Variants in GRIN2A observed in about 807,000 individuals in gnomAD.
The protein encoded by GRIN2A is glutamate receptor ionotropic, NMDA 2A.
GRIN2A carries 22 observed loss-of-function variants against 113.4 expected under a neutral mutation model. That is an observed-to-expected ratio of 0.19 (90% CI 0.14 to 0.28). The LOEUF is 0.28. GRIN2A is among the 10% of genes least tolerant of loss of function. The probability of loss-of-function intolerance (pLI) is 1.00; values close to 1 mark genes in which losing one functional copy is unlikely to be tolerated. For synonymous variants in GRIN2A, 827 were observed against 738.4 expected (o/e 1.12, Z -1.94); for missense variants, 1,502 against 1,887.0 (o/e 0.80, Z 3.78).
At chr16:10,173,863 T>C (rs996945454) in intron 2 of GRIN2A, among the ~76,000 whole-genome samples, 2 of 152,128 alleles carry the variant, frequency 1.3e-5, no homozygotes, top group Admixed American at 6.5e-5. Flanking sequence ...GGTTGTGAAA[T>C]AAAACGGGGT....
chr16:9,900,686 A>G, intron 3 of GRIN2A, among the ~76,000 whole-genome samples: 1 of 152,140 alleles, frequency 6.6e-6, no homozygotes, highest in South Asian at 2.1e-4. Context: ...TGGTTCTTCG[A>G]ATCTCAGGCT....
At chr16:10,087,264 T>C (rs993760175) in intron 2 of GRIN2A, among the ~76,000 whole-genome samples, 4 of 152,238 alleles carry the variant, frequency 2.6e-5, no homozygotes, top group Non-Finnish European at 4.4e-5. Context: ...ATGTAATAGA[T>C]TATGTTATTG....
chr16:9,990,619 T>A (rs2046092916), intron 2 of GRIN2A, among the ~76,000 whole-genome samples: 1 of 150,416 alleles, frequency 6.6e-6, no homozygotes, highest in Non-Finnish European at 1.5e-5. Context: ...AAATGAATGC[T>A]GCCTCTAGAT....
At chr16:9,999,270 G>A (rs191595326) in intron 2 of GRIN2A, among the ~76,000 whole-genome samples, 274 of 152,268 alleles carry the variant, frequency 1.8e-3, no homozygotes, top group Non-Finnish European at 3.1e-3. Context: ...AACTCAAGAA[G>A]TGACCTTGGC....
chr16:9,968,561 C>T (rs1374885272), intron 2 of GRIN2A, among the ~76,000 whole-genome samples: 3 of 152,104 alleles, frequency 2.0e-5, no homozygotes, highest in African/African-American at 7.2e-5. Context: ...GATCCACCCA[C>T]CTCGGCCTCC....
At chr16:10,133,541 AG>A (rs1567323106) in intron 2 of GRIN2A, among the ~76,000 whole-genome samples, 1 of 152,176 alleles carries the variant, frequency 6.6e-6, no homozygotes, top group Non-Finnish European at 1.5e-5. Flanking sequence ...CGGGAGGTGG[AG>A]GTTGCAGTGA....
At position 9,757,505 on chromosome 16, in the gene GRIN2A, C is replaced by A. The variant is rs1030890449; in HGVS notation, c.*5644G>T. 7 of 228,532 alleles carry A rather than the reference C, an allele frequency of 3.1e-5. No individual in the cohort carries two copies. In the East Asian group the frequency reaches 3.1e-4, roughly 10 times the overall value. The allele number at this position is 228,532 out of a possible 1,614,324, so 14.2% of individuals were successfully genotyped here. A position where few individuals can be genotyped will look rare whatever the true frequency, so the allele number is the denominator to read the frequency against. On this transcript the variant is annotated 3_prime_UTR_variant, in exon 13 of 13. Coordinates refer to ENST00000330684, the MANE Select transcript of GRIN2A (RefSeq NM_001134407.3). ...CTTGGTTATCCTTTGTATTAGAGAA[C>A]TGAACTTCTAAACCATAAGCTACTT...
chr16:9,827,354 G>C (rs1430486171), intron 9 of GRIN2A, among the ~76,000 whole-genome samples: 1 of 152,204 alleles, frequency 6.6e-6, no homozygotes, highest in South Asian at 2.1e-4. Context: ...GAAGGATTTG[G>C]GGGTGAGCAT....
At chr16:9,979,962 A>G (rs1392961825) in intron 2 of GRIN2A, among the ~76,000 whole-genome samples, 8 of 151,628 alleles carry the variant, frequency 5.3e-5, no homozygotes, top group Non-Finnish European at 1.2e-4. Flanking sequence ...AAATTCCCCT[A>G]TATAACTAGG....
intron 4 of GRIN2A, among the ~76,000 whole-genome samples, chr16:9,873,467 G>A (rs1228081696): frequency 6.6e-6 from 1 of 152,136 alleles, no homozygotes; most frequent in African/African-American, 2.4e-5. Context: ...TTGGGAGGCT[G>A]AGGCAGGAGA....
At chr16:10,024,082 C>T (rs2046773801) in intron 2 of GRIN2A, among the ~76,000 whole-genome samples, 1 of 152,166 alleles carries the variant, frequency 6.6e-6, no homozygotes, top group African/African-American at 2.4e-5. Context: ...TCTTAAGAAC[C>T]ATGGCATTCA....
At chr16:10,158,130 G>A (rs141008373) in intron 2 of GRIN2A, among the ~76,000 whole-genome samples, 1 of 151,936 alleles carries the variant, frequency 6.6e-6, no homozygotes, top group Admixed American at 6.6e-5. Context: ...TCAGCCTCTC[G>A]AGCAGCTGGG....
chr16:9,866,582 G>C (rs1289914565), intron 4 of GRIN2A, among the ~76,000 whole-genome samples: 1 of 152,176 alleles, frequency 6.6e-6, no homozygotes, highest in South Asian at 2.1e-4. Flanking sequence ...TTGGCCTTGG[G>C]AAATCCCTCT....
chr16:9,995,149 A>G (rs1460588863), intron 2 of GRIN2A, among the ~76,000 whole-genome samples: 2 of 152,176 alleles, frequency 1.3e-5, no homozygotes. Flanking sequence ...GAGAATGGTT[A>G]GAGAAGGCCA....
In GRIN2A at chr16:10,040,913, C is replaced by T. The variant is rs2047156116; in HGVS notation, c.415-102362G>A. On this transcript the variant is annotated intron_variant, in intron 2 of 12. Transcript: ENST00000330684. ...CTGCGAAAGCGGCCCCAGCCAGGAA[C>T]ACTCCCCTCTGCCGCAGGCTGGAAG... Among the ~76,000 whole-genome samples the T allele has an allele frequency of 2.6e-5, 4 of 152,238 alleles. No homozygotes were observed. The South Asian group carries it at 8.3e-4, about 31-fold the overall frequency.
intron 3 of GRIN2A, among the ~76,000 whole-genome samples, chr16:9,923,453 T>C (rs1049827885): frequency 6.6e-6 from 1 of 152,206 alleles, no homozygotes; most frequent in African/African-American, 2.4e-5. Context: ...CCTATCATCT[T>C]GCTATTTGTT....
chr16:10,091,250 C>A (rs1303487123), intron 2 of GRIN2A, among the ~76,000 whole-genome samples: 5 of 152,178 alleles, frequency 3.3e-5, no homozygotes, highest in African/African-American at 1.2e-4. Context: ...TATAGATATT[C>A]ACAGGAGTAT....
intron 3 of GRIN2A, among the ~76,000 whole-genome samples, chr16:9,925,115 T>C (rs2044433724): frequency 6.6e-6 from 1 of 152,262 alleles, no homozygotes; most frequent in Non-Finnish European, 1.5e-5. Flanking sequence ...TTTGTATTAC[T>C]ATAAATATCA....
chr16:10,045,188 G>A (rs1160939164), intron 2 of GRIN2A, among the ~76,000 whole-genome samples: 1 of 152,194 alleles, frequency 6.6e-6, no homozygotes, highest in African/African-American at 2.4e-5. Flanking sequence ...GTGCAGACAT[G>A]ATTCAAGGAT....
Sources: allele counts gnomAD v4.1 joint callset (sites outside exome capture counted in the v4.1 genomes callset), GRCh38; gene constraint gnomAD v4.1.1; transcripts MANE v1.5; gene names NCBI Gene and HGNC (gene_info 2026-07-23, HGNC 2026-07-21).